The following STK33 variants were observed in gnomAD, a reference collection of about 807,000 sequenced individuals.
STK33 encodes the protein serine/threonine-protein kinase 33.
A neutral mutation model predicts 58.0 loss-of-function variants in STK33; 52 were observed. That is an observed-to-expected ratio of 0.90 (90% confidence interval 0.72 to 1.13). STK33 has a LOEUF of 1.13. STK33 is among the 50% of genes most tolerant of loss of function. STK33 has a pLI of 0.00. For synonymous variants in STK33, 215 were observed against 200.1 expected, an observed-to-expected ratio of 1.07 and a Z score of -0.63; for missense variants, 630 against 604.2, an observed-to-expected ratio of 1.04 and a Z score of -0.45.
chr11:8,426,047 G>A (rs567950231), intron 14 of STK33, among the ~76,000 whole-genome samples: 1 of 152,298 alleles, frequency 6.6e-6, no homozygotes, highest in Non-Finnish European at 1.5e-5. Flanking sequence ...TAGACCCCCT[G>A]CCTCATCACA....
intron 1 of STK33, among the ~76,000 whole-genome samples, chr11:8,494,742 C>G (rs1412358564): frequency 6.6e-6 from 1 of 152,156 alleles, no homozygotes; most frequent in East Asian, 1.9e-4. Flanking sequence ...GGTACCAAAA[C>G]AGAGATATAG....
At chr11:8,526,210 A>C (rs1259341954) in intron 1 of STK33, among the ~76,000 whole-genome samples, 1 of 152,104 alleles carries the variant, frequency 6.6e-6, no homozygotes, top group Non-Finnish European at 1.5e-5. Context: ...CATTCTGGCC[A>C]ACGTGGTAAA....
chr11:8,347,690 C>T, the STK33 span, among the ~76,000 whole-genome samples: 1 of 152,212 alleles, frequency 6.6e-6, no homozygotes, highest in Admixed American at 6.5e-5. Flanking sequence ...ACCATTGAGC[C>T]AGAAGCTCAG....
chr11:8,428,409 T>C (rs1029814363), intron 14 of STK33, among the ~76,000 whole-genome samples: 1 of 152,212 alleles, frequency 6.6e-6, no homozygotes, highest in Non-Finnish European at 1.5e-5. Flanking sequence ...TCACCCACTA[T>C]CCATACCAGC....
At chr11:8,396,624 T>C (rs997747181) in intron 15 of STK33, among the ~76,000 whole-genome samples, 10 of 152,250 alleles carry the variant, frequency 6.6e-5, no homozygotes, top group East Asian at 5.8e-4. Flanking sequence ...TGTTGGACAG[T>C]GGGTGCAGCG....
At chr11:8,488,991 G>A (rs1426257476) in intron 1 of STK33, among the ~76,000 whole-genome samples, 2 of 152,138 alleles carry the variant, frequency 1.3e-5, no homozygotes, top group African/African-American at 2.4e-5. Context: ...GGGCATGGTG[G>A]CTCACGCCTA....
At chr11:8,509,341 T>C (rs1952125704) in intron 1 of STK33, among the ~76,000 whole-genome samples, 1 of 152,178 alleles carries the variant, frequency 6.6e-6, no homozygotes, top group Non-Finnish European at 1.5e-5. Flanking sequence ...GAAATGGTTC[T>C]TTTCAAAATT....
chr11:8,369,533 G>C, the STK33 span, among the ~76,000 whole-genome samples: 1 of 151,360 alleles, frequency 6.6e-6, no homozygotes, highest in Admixed American at 6.6e-5. Context: ...TTGCAGGTGG[G>C]GGCAGTGGGG....
chr11:8,434,971 G>C (rs1038444276), intron 14 of STK33, among the ~76,000 whole-genome samples: 3 of 152,138 alleles, frequency 2.0e-5, no homozygotes. Flanking sequence ...GGTAATGTTC[G>C]GGTGCAGGGA....
intron 1 of STK33, among the ~76,000 whole-genome samples, chr11:8,569,811 G>A (rs1263520221): frequency 6.6e-6 from 1 of 151,990 alleles, no homozygotes; most frequent in Admixed American, 6.6e-5. Flanking sequence ...ACAAAAATTA[G>A]CCAGGCATGG....
the STK33 span, among the ~76,000 whole-genome samples, chr11:8,380,858 C>T: frequency 6.6e-6 from 1 of 152,116 alleles, no homozygotes; most frequent in South Asian, 2.1e-4. Flanking sequence ...CCAATGAGTG[C>T]ATTTTAAAAA....
the STK33 span, among the ~76,000 whole-genome samples, chr11:8,342,613 A>T: frequency 1.3e-5 from 2 of 152,212 alleles, no homozygotes; most frequent in Non-Finnish European, 2.9e-5. Context: ...CGTATCAACC[A>T]CTATTCTAAA....
the STK33 span, among the ~76,000 whole-genome samples, chr11:8,345,663 C>A: frequency 3.2e-4 from 49 of 152,238 alleles, 1 homozygote; most frequent in South Asian, 3.7e-3. Context: ...TCAGGGAGAG[C>A]CTTGAGGGCC....
At chr11:8,346,501 T>C in the STK33 span, among the ~76,000 whole-genome samples, 1 of 152,240 alleles carries the variant, frequency 6.6e-6, no homozygotes, top group Non-Finnish European at 1.5e-5. Context: ...GTTTCTGGCA[T>C]GGGCACCGGT....
intron 2 of STK33, among the ~76,000 whole-genome samples, chr11:8,478,497 A>G (rs1327794942): frequency 6.6e-6 from 1 of 152,220 alleles, no homozygotes. Context: ...GCAAGTCAAT[A>G]AAACAATTCT....
chr11:8,385,158 C>G, the STK33 span, among the ~76,000 whole-genome samples: 9 of 152,236 alleles, frequency 5.9e-5, no homozygotes, highest in African/African-American at 2.2e-4. Flanking sequence ...TATTTCATAT[C>G]AATCCATTTC....
the STK33 span, among the ~76,000 whole-genome samples, chr11:8,356,313 TGTGAGACCCAG>T: frequency 6.6e-6 from 1 of 152,070 alleles, no homozygotes; most frequent in Non-Finnish European, 1.5e-5. Flanking sequence ...ACAGCAGTCC[TGTGAGACCCAG>T]GTGGCACTGG....
chr11:8,543,213 C>T (rs188240050), intron 1 of STK33, among the ~76,000 whole-genome samples: 4 of 152,226 alleles, frequency 2.6e-5, no homozygotes, highest in South Asian at 2.1e-4. Context: ...AAAAGAGGGA[C>T]GCATATTCAC....
At chr11:8,500,836 T>C (rs1053339654) in intron 1 of STK33, among the ~76,000 whole-genome samples, 10 of 152,150 alleles carry the variant, frequency 6.6e-5, no homozygotes, top group African/African-American at 4.8e-5. Context: ...AACAGACATA[T>C]AGATCATAGG....
Sources: gnomAD v4.1 joint callset for allele counts (sites outside exome capture counted in the v4.1 genomes callset) on GRCh38, gnomAD v4.1.1 for gene constraint, MANE v1.5 for transcripts, NCBI Gene and HGNC (gene_info 2026-07-23, HGNC 2026-07-21) for gene names.